FBXW10: variants seen among roughly 807,000 people sequenced by gnomAD.
FBXW10 encodes the protein F-box/WD repeat-containing protein 10.
In FBXW10, 68 loss-of-function variants were observed where a neutral mutation model predicts 113.1. That is an observed-to-expected ratio of 0.60 (90% CI 0.49 to 0.74). FBXW10 has a LOEUF of 0.74. Among genes scored for constraint, FBXW10 ranks in the 30% least tolerant of loss-of-function variants. The probability of loss-of-function intolerance (pLI) is 0.00; values close to 1 mark genes in which losing one functional copy is unlikely to be tolerated. For synonymous variants in FBXW10, 289 were observed against 481.6 expected, an observed-to-expected ratio of 0.60 and a Z score of 5.24; for missense variants, 753 against 1,284.5, an observed-to-expected ratio of 0.59 and a Z score of 6.32.
At chr17:18,748,405 T>G in intron 2 of FBXW10, among the ~76,000 whole-genome samples, 1 of 62,532 alleles carries the variant, frequency 1.6e-5, no homozygotes, top group African/African-American at 6.2e-5. Flanking sequence ...AGCGAGACTG[T>G]CTCAAAAAAA....
intron 12 of FBXW10, among the ~76,000 whole-genome samples, chr17:18,773,546 A>G (rs920665337): frequency 2.6e-5 from 4 of 152,158 alleles, no homozygotes; most frequent in African/African-American, 9.7e-5. Flanking sequence ...TGCCATTTAT[A>G]AGACATCCAA....
chr17:18,744,551 A>C lies in FBXW10; in HGVS notation c.307A>C (p.Lys103Gln), dbSNP rs1810688779. ...NLSKKEGKVV[K>Q]SSLNQMLDKT... ...CAGCAAGAAAGAGGGGAAAGTTGTGAAGTCCTCCTTGAACCAAATGTTGGA... is the reference window on the plus strand; with the variant it reads ...CAGCAAGAAAGAGGGGAAAGTTGTGCAGTCCTCCTTGAACCAAATGTTGGA... Residue 103 changes from lysine to glutamine, a missense_variant, in exon 1 of 14, where the codon AAG becomes CAG. Coordinates refer to ENST00000395665, the MANE Select transcript of FBXW10 (RefSeq NM_001267585.2). The C allele has an allele frequency of 9.9e-6, 16 of 1,613,892 alleles. No homozygotes were observed. In the South Asian group the frequency reaches 1.8e-4, roughly 18 times the overall value.
intron 6 of FBXW10, among the ~76,000 whole-genome samples, chr17:18,757,340 T>C (rs4924920): frequency 0.1 from 12,866 of 124,664 alleles, no homozygotes; most frequent in East Asian, 0.18. Context: ...CATGCCACCA[T>C]GCCTGGCTAA....
rs2034999356 is a variant in FBXW10 at position 18,744,486 on chromosome 17, A to G, written c.242A>G (p.Gln81Arg). Residue 81 changes from glutamine to arginine, a missense_variant, in exon 1 of 14, where the codon CAG (glutamine) becomes CGG (arginine). Physicochemically the swap from Gln to Arg is conservative, Grantham distance 43 (BLOSUM62 1). Coordinates refer to ENST00000395665, the MANE Select transcript of FBXW10 (RefSeq NM_001267585.2). ...TTCCAAAATATCCTTCAGACCACAC[A>G]GGGAAAGGATTTCATCTATAACAGG... ...HYFQNILQTTQGKDFIYNRSR... is the reference protein window; with the variant it reads ...HYFQNILQTTRGKDFIYNRSR... 2 of 1,613,930 alleles carry G rather than the reference A, an allele frequency of 1.2e-6. No homozygotes were observed. Among genetic ancestry groups the G allele is most frequent in the Non-Finnish European group, 1.7e-6 (2 of 1,179,860 alleles).
intron 12 of FBXW10, among the ~76,000 whole-genome samples, chr17:18,774,212 T>C (rs1567626135): frequency 6.6e-6 from 1 of 152,186 alleles, no homozygotes; most frequent in Admixed American, 6.5e-5. Context: ...CAATGAAGAA[T>C]AGAGAGTCTG....
At chr17:18,755,385 T>A (rs919941144) in intron 5 of FBXW10, among the ~76,000 whole-genome samples, 1 of 152,054 alleles carries the variant, frequency 6.6e-6, no homozygotes, top group Non-Finnish European at 1.5e-5. Flanking sequence ...TGAAACCCTG[T>A]CTCTACTAAA....
At chr17:18,749,022 A>G (rs1170976140) in intron 2 of FBXW10, among the ~76,000 whole-genome samples, 1 of 152,250 alleles carries the variant, frequency 6.6e-6, no homozygotes, top group Non-Finnish European at 1.5e-5. Context: ...AAAAGTATGT[A>G]GAACAGTATG....
At chr17:18,767,024 G>A (rs1480326422) in intron 9 of FBXW10, among the ~76,000 whole-genome samples, 162 bp downstream of exon 9, 4 of 152,214 alleles carry the variant, frequency 2.6e-5, no homozygotes, top group African/African-American at 7.2e-5. Flanking sequence ...GAGGCATTCA[G>A]AGTCTGTGGA....
intron 6 of FBXW10, among the ~76,000 whole-genome samples, chr17:18,757,251 T>G (rs2035284623): frequency 6.6e-6 from 1 of 152,212 alleles, no homozygotes; most frequent in Non-Finnish European, 1.5e-5. Flanking sequence ...TGGTGCAATC[T>G]TGGCTCATTG....
intron 5 of FBXW10, among the ~76,000 whole-genome samples, chr17:18,755,011 C>T (rs1317870890): frequency 1.3e-5 from 2 of 152,148 alleles, no homozygotes; most frequent in Non-Finnish European, 2.9e-5. Flanking sequence ...ACGTGTAATC[C>T]CAGCACTTTG....
intron 11 of FBXW10, among the ~76,000 whole-genome samples, chr17:18,771,208 T>A (rs112514629): frequency 0.088 from 13,428 of 152,156 alleles, 689 homozygotes; most frequent in African/African-American, 0.14. Flanking sequence ...AAAAGGGATT[T>A]CTTATTGGAA....
chr17:18,778,066 C>T (rs562542706), intron 13 of FBXW10, among the ~76,000 whole-genome samples: 16 of 151,670 alleles, frequency 1.1e-4, no homozygotes, highest in East Asian at 4.0e-4. Flanking sequence ...CTGGCTAACA[C>T]GGTGAAACCC....
chr17:18,748,655 C>A (rs938685312), intron 2 of FBXW10, among the ~76,000 whole-genome samples: 1 of 152,076 alleles, frequency 6.6e-6, no homozygotes, highest in African/African-American at 2.4e-5. Flanking sequence ...CCCATATTTG[C>A]ACCTCTCCGC....
At position 18,748,104 on chromosome 17, in the gene FBXW10, T is replaced by G. The variant is rs761289184; in HGVS notation, c.669T>G (p.Pro223=). 12 of 1,613,760 alleles carry G rather than the reference T, an allele frequency of 7.4e-6. No individual in the cohort carries two copies. The highest frequency in any genetic ancestry group is 9.3e-6 in the Non-Finnish European group (11 of 1,179,780). ...ACTTGCTTGGGGCAGCATCTAACCC[T>G]GGTAAGTGAACTTTCAGCAAGAAAG... The part of the protein sequence containing the change: ...NEHLLGAASN[P]EEPWRNSLRC... The change falls in exon 2 of 14, where the codon CCT becomes CCG. Residue 223 remains proline, a splice_region_variant and synonymous_variant. Transcript: ENST00000395665.
At chr17:18,765,386 T>C (rs2035475785) in intron 8 of FBXW10, among the ~76,000 whole-genome samples, 1 of 152,208 alleles carries the variant, frequency 6.6e-6, no homozygotes, top group Non-Finnish European at 1.5e-5. Flanking sequence ...CGAGCAGAAA[T>C]GATTAAGCAC....
Position 18,766,972 on chromosome 17 carries a change from A to G in FBXW10, c.1704+110A>G, listed in dbSNP as rs2035509945. 4 of 1,136,040 alleles carry G rather than the reference A, an allele frequency of 3.5e-6. No individual in the cohort carries two copies. The South Asian group carries it at 5.8e-5, about 17-fold the overall frequency. 70.4% of individuals were successfully genotyped at this position (1,136,040 alleles called of 1,614,324 possible). On this transcript the variant is annotated intron_variant, in intron 9 of 13. Transcript: ENST00000395665. Reference sequence around the variant, plus strand: ...CTAGAGCAACTGAGTATGACCTTCAAGAAGGACAGTCCTGAAGCTCTAAAG... The same window carrying G: ...CTAGAGCAACTGAGTATGACCTTCAGGAAGGACAGTCCTGAAGCTCTAAAG...
chr17:18,746,248 T>C (rs2035035886), intron 1 of FBXW10, among the ~76,000 whole-genome samples: 1 of 152,106 alleles, frequency 6.6e-6, no homozygotes, highest in Non-Finnish European at 1.5e-5. Context: ...GGGGTCACAT[T>C]TCAACATGAG....
At chr17:18,753,657 G>A (rs2035209701) in intron 5 of FBXW10, among the ~76,000 whole-genome samples, 1 of 152,174 alleles carries the variant, frequency 6.6e-6, no homozygotes, top group Non-Finnish European at 1.5e-5. Flanking sequence ...TGGATCACCT[G>A]AGGTCAGGAG....
At chr17:18,769,620 CA>C (rs1299272949) in intron 10 of FBXW10, 44 of 267,692 alleles carry the variant, frequency 1.6e-4, no homozygotes, top group Admixed American at 2.6e-4. Flanking sequence ...CTACTAAATA[CA>C]AAAAAATTAG....
Sources: allele counts gnomAD v4.1 joint callset (sites outside exome capture counted in the v4.1 genomes callset), GRCh38; gene constraint gnomAD v4.1.1; transcripts MANE v1.5; gene names NCBI Gene and HGNC (gene_info 2026-07-23, HGNC 2026-07-21).